Variants in SSBP3 observed in about 807,000 individuals in gnomAD.
SSBP3 encodes the protein single stranded DNA binding protein 3, also known as single-stranded DNA-binding protein 3.
Under a neutral mutation model 69.6 loss-of-function variants are expected in SSBP3, and 5 were observed. The ratio of observed to expected loss-of-function variants is 0.07; its 90% confidence interval spans 0.04 to 0.15. The LOEUF is 0.15. Ranked by LOEUF, SSBP3 falls within the 10% of genes least tolerant of loss-of-function variation. The pLI, the probability that SSBP3 is intolerant of heterozygous loss-of-function variation, is 1.00. For synonymous variants in SSBP3, 196 were observed against 193.4 expected (o/e 1.01, Z -0.11); for missense variants, 312 against 534.0 (o/e 0.58, Z 4.10).
chr1:54,236,134 G>A (rs970648446), intron 14 of SSBP3, among the ~76,000 whole-genome samples: 6 of 150,408 alleles, frequency 4.0e-5, no homozygotes, highest in Non-Finnish European at 8.9e-5. Flanking sequence ...TTTTTTCTTT[G>A]AAACGGAGTC....
chr1:54,408,967 C>T (rs1467833050), upstream of SSBP3, among the ~76,000 whole-genome samples: 3 of 152,300 alleles, frequency 2.0e-5, no homozygotes, highest in Admixed American at 6.5e-5. Flanking sequence ...TTAGCCACCC[C>T]TCACCCCTGC....
chr1:54,254,210 C>A (rs1252772966), intron 7 of SSBP3, among the ~76,000 whole-genome samples: 1 of 152,240 alleles, frequency 6.6e-6, no homozygotes, highest in Admixed American at 6.5e-5. Context: ...GAGGCCAGCT[C>A]TTCTCCTACA....
At chr1:54,310,297 G>T (rs1218733576) in intron 4 of SSBP3, among the ~76,000 whole-genome samples, 3 of 152,062 alleles carry the variant, frequency 2.0e-5, no homozygotes, top group Admixed American at 6.6e-5. Context: ...CGCAGGCTCC[G>T]TCACTACCTA....
rs938894955 is a variant in SSBP3 at position 54,258,356 on chromosome 1, G to A, written c.367-207C>T. 6.6e-6 allele frequency among the ~76,000 whole-genome samples: 1 copy of A among 152,206 alleles called. No homozygotes were observed. Among genetic ancestry groups the A allele is most frequent in the African/African-American group, 2.4e-5 (1 of 41,448 alleles). On this transcript the variant is annotated intron_variant, in intron 5 of 17. Transcript: ENST00000610401. This position sits in a 1 kb window ranked among gnomAD's most constrained non-coding sequence, Gnocchi z 4.5. ...ACGGCGAGCGGGAGCGAGAGAAGCT[G>A]ATAAATACATTCACAGGGGGTTGAA...
intron 4 of SSBP3, among the ~76,000 whole-genome samples, chr1:54,372,455 A>G (rs559822186): frequency 6.6e-6 from 1 of 152,056 alleles, no homozygotes; most frequent in South Asian, 2.1e-4. Flanking sequence ...CAGCCCCTAA[A>G]GCAGCCAGCG....
intron 4 of SSBP3, among the ~76,000 whole-genome samples, chr1:54,330,222 A>G (rs1183949828): frequency 6.6e-6 from 1 of 152,118 alleles, no homozygotes; most frequent in Non-Finnish European, 1.5e-5. Context: ...AAACGCAAAC[A>G]TCAATCAACG....
At chr1:54,367,675 C>A (rs1444578036) in intron 4 of SSBP3, among the ~76,000 whole-genome samples, 1 of 152,132 alleles carries the variant, frequency 6.6e-6, no homozygotes, top group African/African-American at 2.4e-5. Context: ...GCTGCCTCTG[C>A]GGCGGGTCCC....
intron 4 of SSBP3, among the ~76,000 whole-genome samples, chr1:54,353,277 A>G (rs1646811866): frequency 6.6e-6 from 1 of 152,206 alleles, no homozygotes; most frequent in African/African-American, 2.4e-5. Context: ...CGTCGAAATC[A>G]GGCCCATTGC....
intron 5 of SSBP3, among the ~76,000 whole-genome samples, chr1:54,270,889 C>T (rs1344452292): frequency 6.6e-6 from 1 of 152,110 alleles, no homozygotes; most frequent in Non-Finnish European, 1.5e-5. Context: ...ACCCATGTGC[C>T]CACCCAGGCT....
chr1:54,346,945 TGGCAGA>T (rs1243232408), intron 4 of SSBP3, among the ~76,000 whole-genome samples: 1 of 152,094 alleles, frequency 6.6e-6, no homozygotes, highest in Non-Finnish European at 1.5e-5. Flanking sequence ...TTACATAAAA[TGGCAGA>T]GTGCACACAC....
In SSBP3 at chr1:54,404,564, A is replaced by G. The variant is rs1394791832; in HGVS notation, c.191+12T>C. On this transcript the variant is annotated intron_variant, in intron 3 of 17. Coordinates refer to ENST00000610401, the Ensembl canonical transcript of SSBP3. Reference sequence around the variant, plus strand: ...AAACAAACACACATGCAAAACTATCACACAAACTTACCACCACCACGAGTG... The same window carrying G: ...AAACAAACACACATGCAAAACTATCGCACAAACTTACCACCACCACGAGTG... 5 of 1,612,868 alleles carry G rather than the reference A, an allele frequency of 3.1e-6. No homozygotes were observed. In the African/African-American group the frequency reaches 6.7e-5, roughly 22 times the overall value.
chr1:54,245,881 C>T (rs1181064171), intron 9 of SSBP3, among the ~76,000 whole-genome samples: 1 of 152,232 alleles, frequency 6.6e-6, no homozygotes, highest in Non-Finnish European at 1.5e-5. Context: ...TATTCCATGC[C>T]CACATGTACC....
At chr1:54,353,468 G>C (rs1286849772) in intron 4 of SSBP3, among the ~76,000 whole-genome samples, 1 of 152,138 alleles carries the variant, frequency 6.6e-6, no homozygotes, top group African/African-American at 2.4e-5. Context: ...TTTTCCCTTT[G>C]CTCCTCTGAG....
chr1:54,294,159 A>AAAAAGAAAGAAAG (rs754650225), intron 4 of SSBP3, among the ~76,000 whole-genome samples: 9 of 86,158 alleles, frequency 1.0e-4, no homozygotes, highest in African/African-American at 3.7e-4. Context: ...AAAAAAAAAA[A>AAAAAGAAAGAAAG]AAAGAAAGAA....
chr1:54,260,351 G>A (rs1288548221), intron 5 of SSBP3, among the ~76,000 whole-genome samples: 1 of 152,238 alleles, frequency 6.6e-6, no homozygotes, highest in Non-Finnish European at 1.5e-5. Context: ...GCTTCCTCAG[G>A]GCGAGCAGTG....
chr1:54,231,068 C>A (rs1227762806), intron 14 of SSBP3, among the ~76,000 whole-genome samples: 2 of 152,176 alleles, frequency 1.3e-5, no homozygotes, highest in Non-Finnish European at 2.9e-5. Flanking sequence ...AACCCAATTA[C>A]CATATCACAG....
rs140595679 is a variant in SSBP3 at position 54,356,145 on chromosome 1, G to A, written c.276+45716C>T. 1.2e-3 allele frequency among the ~76,000 whole-genome samples: 177 copies of A among 152,318 alleles called. 1 individual carries two copies. The highest frequency in any genetic ancestry group is 4.1e-3 in the African/African-American group (169 of 41,570). On this transcript the variant is annotated intron_variant, in intron 4 of 17. Transcript: ENST00000610401. ...CAACCATATCTTGCAAGTGCCGGCT[G>A]AACTTCCCCATAATTTTTAACCCTT...
chr1:54,342,813 C>T (rs1381661487), intron 4 of SSBP3, among the ~76,000 whole-genome samples: 5 of 152,132 alleles, frequency 3.3e-5, no homozygotes, highest in African/African-American at 1.2e-4. Context: ...GACCCTTCCC[C>T]GAGTCTCCCA....
At chr1:54,235,055 A>G (rs1644462616) in intron 14 of SSBP3, among the ~76,000 whole-genome samples, 2 of 152,180 alleles carry the variant, frequency 1.3e-5, no homozygotes, top group African/African-American at 2.4e-5. Context: ...ACACGGTACC[A>G]CCAAACTAAA....
Sources: gnomAD v4.1 joint callset for allele counts (sites outside exome capture counted in the v4.1 genomes callset) on GRCh38, gnomAD v4.1.1 for gene constraint, Gnocchi (gnomAD v3.1) non-coding constraint, MANE v1.5 for transcripts, NCBI Gene and HGNC (gene_info 2026-07-23, HGNC 2026-07-21) for gene names.